Variants in AP2A2 observed in about 807,000 individuals in gnomAD.
AP2A2 encodes adaptor related protein complex 2 subunit alpha 2.
Under a neutral mutation model 104.2 loss-of-function variants are expected in AP2A2, and 32 were observed. The observed-to-expected ratio is 0.31, with a 90% confidence interval of 0.23 to 0.41. The LOEUF (loss-of-function observed/expected upper bound fraction) is 0.41, where lower values mean the gene tolerates loss of function less well. Among genes scored for constraint, AP2A2 ranks in the 10% least tolerant of loss-of-function variants. The pLI is 1.00. For synonymous variants in AP2A2, 539 were observed against 533.3 expected (o/e 1.01, Z -0.15); for missense variants, 912 against 1,261.0 (o/e 0.72, Z 4.19).
intron 6 of AP2A2, among the ~76,000 whole-genome samples, chr11:981,971 G>C (rs1290750280): frequency 1.3e-5 from 2 of 152,284 alleles, no homozygotes; most frequent in African/African-American, 2.4e-5. Context: ...GCGGCAGCAG[G>C]AGGCGCGGGC....
chr11:953,797 C>G (rs975138465), intron 1 of AP2A2, among the ~76,000 whole-genome samples: 1 of 151,482 alleles, frequency 6.6e-6, no homozygotes, highest in Non-Finnish European at 1.5e-5. Context: ...GTCCTCAGGT[C>G]TGGCCGAGAC....
At chr11:998,061 A>C (rs981318112) in intron 14 of AP2A2, among the ~76,000 whole-genome samples, 1 of 152,254 alleles carries the variant, frequency 6.6e-6, no homozygotes, top group Admixed American at 6.5e-5. Flanking sequence ...CACGCAGCTC[A>C]CAGCTTTGTC....
At chr11:938,177 T>C (rs956558615) in intron 1 of AP2A2, among the ~76,000 whole-genome samples, 1 of 152,238 alleles carries the variant, frequency 6.6e-6, no homozygotes, top group African/African-American at 2.4e-5. Context: ...CTGGGTCGCC[T>C]GTGTGCCGGC....
chr11:989,824 C>T (rs181160386), intron 10 of AP2A2, among the ~76,000 whole-genome samples: 86 of 152,312 alleles, frequency 5.6e-4, no homozygotes, highest in African/African-American at 1.9e-3. Context: ...GGTGTCCTCG[C>T]GTGGGGTTCG....
intron 1 of AP2A2, among the ~76,000 whole-genome samples, chr11:932,232 C>T (rs1004828755): frequency 1.3e-5 from 2 of 152,200 alleles, no homozygotes; most frequent in African/African-American, 2.4e-5. Context: ...GGATTACAGG[C>T]GTGAGCCCCT....
intron 10 of AP2A2, among the ~76,000 whole-genome samples, chr11:990,975 A>T (rs901550719): frequency 1.5e-5 from 2 of 131,416 alleles, no homozygotes; most frequent in Middle Eastern, 6.3e-3. Context: ...TCAGTCGGGT[A>T]TGGTGCTCCC....
intron 14 of AP2A2, 23 bp downstream of exon 14, chr11:994,268 A>G (rs774281762): frequency 2.0e-5 from 32 of 1,610,244 alleles, no homozygotes; most frequent in Non-Finnish European, 2.5e-6. Flanking sequence ...CCTACTGTGC[A>G]CCCAGACCTG....
chr11:989,813 C>T (rs539565978), intron 10 of AP2A2, among the ~76,000 whole-genome samples: 4 of 152,330 alleles, frequency 2.6e-5, no homozygotes, highest in African/African-American at 4.8e-5. Context: ...GGGGGAGGCC[C>T]GGTGTCCTCG....
chr11:997,699 G>C (rs1372979068), intron 14 of AP2A2, among the ~76,000 whole-genome samples: 5 of 152,176 alleles, frequency 3.3e-5, no homozygotes, highest in Non-Finnish European at 7.3e-5. Flanking sequence ...GAGGTCAGGA[G>C]TTTGAGACCA....
rs1472145186 is a variant in AP2A2 at position 1,003,742 on chromosome 11, G to A, written c.2144G>A (p.Gly715Asp). ...NFARFVCKNN[G>D]VLFENQLLQI... is the part of the protein sequence containing the mutation. The stretch of plus-strand genomic sequence containing the variant: ...CCTAGGTTTGTTTGTAAAAACAATG[G>A]TGTGTTGTTTGAAAACCAGCTGCTT... Residue 715 changes from glycine to aspartate, a missense_variant, in exon 16 of 22, where the codon GGT (glycine) becomes GAT (aspartate). Coordinates refer to ENST00000448903, the MANE Select transcript of AP2A2 (RefSeq NM_012305.4). The A allele has an allele frequency of 6.2e-7, 1 of 1,608,396 alleles. No homozygotes were observed. Among genetic ancestry groups the A allele is most frequent in the Non-Finnish European group, 8.5e-7 (1 of 1,177,428 alleles).
chr11:958,180 C>T (rs1475231805), intron 1 of AP2A2, among the ~76,000 whole-genome samples: 7 of 152,160 alleles, frequency 4.6e-5, no homozygotes, highest in South Asian at 2.1e-4. Flanking sequence ...AGAGCGTGCT[C>T]GCTTCATAAG....
At chr11:983,285 A>G (rs1855314748) in intron 6 of AP2A2, among the ~76,000 whole-genome samples, 2 of 151,986 alleles carry the variant, frequency 1.3e-5, no homozygotes, top group Non-Finnish European at 2.9e-5. Flanking sequence ...TTGGCCTCCC[A>G]CAGTGCTGGC....
At chr11:955,679 A>G (rs1182388752) in intron 1 of AP2A2, among the ~76,000 whole-genome samples, 7 of 152,246 alleles carry the variant, frequency 4.6e-5, no homozygotes, top group African/African-American at 4.8e-5. Flanking sequence ...CCACCTGTCC[A>G]TCTGAAGTTT....
intron 1 of AP2A2, among the ~76,000 whole-genome samples, chr11:936,081 T>A: frequency 6.7e-6 from 1 of 149,076 alleles, no homozygotes; most frequent in East Asian, 2.0e-4. Flanking sequence ...TTTTTTTTTT[T>A]TATTTTTAGT....
At chr11:988,909 C>G in intron 10 of AP2A2, 1 of 594,118 alleles carries the variant, frequency 1.7e-6, no homozygotes. Context: ...GCGGGAGGAT[C>G]ACCTGAGGCC....
chr11:994,562 C>T (rs1264415683), intron 14 of AP2A2, among the ~76,000 whole-genome samples: 2 of 145,098 alleles, frequency 1.4e-5, no homozygotes, highest in Admixed American at 6.8e-5. Flanking sequence ...TCCCGGGGGC[C>T]ACTGTCCCTG....
chr11:1,004,308 A>G (rs1856128364), intron 16 of AP2A2, among the ~76,000 whole-genome samples: 1 of 152,132 alleles, frequency 6.6e-6, no homozygotes, highest in Non-Finnish European at 1.5e-5. Context: ...CCCTGTCTCT[A>G]ATAAAAATAC....
rs774676839 is a variant in AP2A2, at chr11:1,000,489, G to C, written c.2014G>C (p.Ala672Pro). 3 of 1,539,300 alleles carry C rather than the reference G, an allele frequency of 1.9e-6. No individual in the cohort carries two copies. Among genetic ancestry groups the C allele is most frequent in the Non-Finnish European group, 8.7e-7 (1 of 1,146,864 alleles). ...LGLGAAPPAPAGPPPSSGGSG... is the reference protein window; with the variant it reads ...LGLGAAPPAPPGPPPSSGGSG... ...TCTCGGGGCTGCCCCCCCTGCCCCC[G>C]CGGGCCCCCCACCCTCCTCCGGCGG... The change falls in exon 15 of 22, where the codon GCG (alanine) becomes CCG (proline). Residue 672 changes from alanine to proline, a missense_variant. By Grantham distance (27) the Ala-to-Pro change is conservative (BLOSUM62 -1). Coordinates refer to ENST00000448903, the MANE Select transcript of AP2A2 (RefSeq NM_012305.4).
In AP2A2 at chr11:926,030, C is replaced by G; in HGVS notation, c.9C>G (p.Ala3=). ...CTCCCGAGCGTCGGAAGATGCCGGC[C>G]GTGTCCAAGGGGGACGGGATGCGGG... is the stretch of plus-strand genomic sequence containing the variant. The part of the protein sequence containing the change: MP[A]VSKGDGMRGL... The change falls in exon 1 of 22, where the codon GCC becomes GCG. Residue 3 remains alanine, a synonymous_variant. Coordinates refer to ENST00000448903, the MANE Select transcript of AP2A2 (RefSeq NM_012305.4). 1 of 1,411,534 alleles carries G rather than the reference C, an allele frequency of 7.1e-7. No individual in the cohort carries two copies. Among genetic ancestry groups the G allele is most frequent in the Non-Finnish European group, 9.3e-7 (1 of 1,070,964 alleles). 87.4% of individuals were successfully genotyped at this position (1,411,534 alleles called of 1,614,324 possible). A position where few individuals can be genotyped will look rare whatever the true frequency, so the allele number is the denominator to read the frequency against.
Sources: allele counts gnomAD v4.1 joint callset (sites outside exome capture counted in the v4.1 genomes callset), GRCh38; gene constraint gnomAD v4.1.1; transcripts MANE v1.5; gene names NCBI Gene and HGNC (gene_info 2026-07-23, HGNC 2026-07-21).